The following RAD51AP1 variants were observed in gnomAD, a reference collection of about 807,000 sequenced individuals.
RAD51AP1 encodes RAD51-associated protein 1.
In RAD51AP1, 14 loss-of-function variants were observed where a neutral mutation model predicts 34.3. The observed-to-expected ratio is 0.41, with a 90% CI of 0.27 to 0.64. The LOEUF (loss-of-function observed/expected upper bound fraction) is 0.64. Ranked by LOEUF, RAD51AP1 falls within the 30% of genes least tolerant of loss-of-function variation. The probability of loss-of-function intolerance (pLI) is 0.33; values close to 1 mark genes in which losing one functional copy is unlikely to be tolerated. For synonymous variants in RAD51AP1, 114 were observed against 129.8 expected (o/e 0.88, Z 0.83); for missense variants, 348 against 386.9 (o/e 0.90, Z 0.84).
chr12:4,545,144 G>T (rs928981721), intron 3 of RAD51AP1: 8 of 418,466 alleles, frequency 1.9e-5, no homozygotes, highest in Non-Finnish European at 3.3e-5. Context: ...AAAAAAAATG[G>T]AGGCAATCTA....
intron 4 of RAD51AP1, 66 bp downstream of exon 4, chr12:4,546,484 G>A: frequency 8.3e-7 from 1 of 1,201,720 alleles, no homozygotes; most frequent in Non-Finnish European, 1.2e-6. Flanking sequence ...ATTTGTTTGG[G>A]TGGGCCTTCA....
At chr12:4,549,842 A>G (rs1944533658) in intron 6 of RAD51AP1, among the ~76,000 whole-genome samples, 1 of 152,224 alleles carries the variant, frequency 6.6e-6, no homozygotes, top group South Asian at 2.1e-4. Context: ...TATATGATCT[A>G]GCAATCCACT....
At chr12:4,544,123 A>G (rs1391835529) in intron 3 of RAD51AP1, among the ~76,000 whole-genome samples, 1 of 152,104 alleles carries the variant, frequency 6.6e-6, no homozygotes, top group Non-Finnish European at 1.5e-5. Context: ...TAAGACAATA[A>G]TGATTGTAGA....
In RAD51AP1 at chr12:4,558,846, T is replaced by TGA. The variant is rs1209226892; in HGVS notation, c.872-11_872-10insGA. ...GACATCATCAGCATCACATCATATG[T>TGA]TTCCTTTCAGCGGCATCTGGAGGTA... On this transcript the variant is annotated splice_polypyrimidine_tract_variant and intron_variant, in intron 8 of 8. Transcript: ENST00000352618. 6.2e-7 allele frequency: 1 copy of TGA among 1,608,542 alleles called. No individual in the cohort carries two copies. Among genetic ancestry groups the TGA allele is most frequent in the South Asian group, 1.1e-5 (1 of 90,928 alleles).
intron 7 of RAD51AP1, chr12:4,553,384 T>C: frequency 4.1e-6 from 1 of 241,476 alleles, no homozygotes; most frequent in East Asian, 8.3e-5. Flanking sequence ...GGCTGCCGTC[T>C]GTGGTTAGCT....
At chr12:4,556,260 T>C (rs1446096697) in intron 7 of RAD51AP1, 93 bp from the exon 8 acceptor site, 2 of 947,218 alleles carry the variant, frequency 2.1e-6, no homozygotes, top group African/African-American at 3.4e-5. Context: ...ATTTTTTATA[T>C]GATTATGTAA....
In RAD51AP1 at chr12:4,559,099, C is replaced by T; in HGVS notation, c.*106C>T. ...GGCAGGTATTGTAATATAAAGGAAT[C>T]CATTACCATGTCCTATAAATGACCT... is the stretch of plus-strand genomic sequence containing the variant. On this transcript the variant is annotated 3_prime_UTR_variant, in exon 9 of 9. Transcript: ENST00000352618. The T allele has an allele frequency of 7.3e-7, 1 of 1,367,952 alleles. No homozygotes were observed. The highest frequency in any genetic ancestry group is 1.0e-6 in the Non-Finnish European group (1 of 1,000,872). 84.7% of individuals were successfully genotyped at this position (1,367,952 alleles called of 1,614,324 possible). A position where few individuals can be genotyped will look rare whatever the true frequency, so the allele number is the denominator to read the frequency against.
intron 8 of RAD51AP1, 121 bp downstream of exon 8, chr12:4,556,623 A>G (rs1944585234): frequency 8.8e-7 from 1 of 1,132,652 alleles, no homozygotes; most frequent in South Asian, 1.6e-5. Context: ...TTCAAAACCA[A>G]AGTTCCTGGT....
intron 2 of RAD51AP1, among the ~76,000 whole-genome samples, chr12:4,543,065 T>G (rs1223953706): frequency 6.6e-6 from 1 of 152,106 alleles, no homozygotes; most frequent in East Asian, 1.9e-4. Context: ...TGGGCTTTTT[T>G]TTCTCTTTTT....
At chr12:4,556,572 A>C (rs1265984995) in intron 8 of RAD51AP1, 70 bp downstream of exon 8, 6 of 1,544,870 alleles carry the variant, frequency 3.9e-6, no homozygotes, top group Non-Finnish European at 5.3e-6. Flanking sequence ...TCCTAGTTAC[A>C]AACATCATGT....
At chr12:4,545,867 A>G (rs754187680) in intron 3 of RAD51AP1, 1 of 1,593,844 alleles carries the variant, frequency 6.3e-7, no homozygotes, top group Non-Finnish European at 8.6e-7. Context: ...TAAAGTCTGG[A>G]TTGGGAGGAA....
At chr12:4,547,685 A>G (rs1339077639) in intron 4 of RAD51AP1, among the ~76,000 whole-genome samples, 2 of 152,206 alleles carry the variant, frequency 1.3e-5, no homozygotes, top group Admixed American at 6.5e-5. Context: ...TAGTAAAAGC[A>G]TGGATTTGCC....
intron 1 of RAD51AP1, among the ~76,000 whole-genome samples, chr12:4,541,101 A>G (rs1406444487): frequency 6.6e-6 from 1 of 152,202 alleles, no homozygotes; most frequent in Non-Finnish European, 1.5e-5. Context: ...CAAGTTGAGC[A>G]TCCCAAATTT....
rs763047747 is a variant in RAD51AP1 at position 4,546,432 on chromosome 12, C to A, written c.319+14C>A. On this transcript the variant is annotated intron_variant, in intron 4 of 8. Coordinates refer to ENST00000352618, the MANE Select transcript of RAD51AP1 (RefSeq NM_006479.5). ...CTCAAGATAAAAGTAACTTTATTTT[C>A]TGTATATTTAGCTTTAAAACCTTCT... The A allele has an allele frequency of 6.4e-7, 1 of 1,558,226 alleles. No homozygotes were observed.
intron 8 of RAD51AP1, 61 bp from the exon 9 acceptor site, chr12:4,558,796 A>G: frequency 6.3e-7 from 1 of 1,578,872 alleles, no homozygotes; most frequent in Non-Finnish European, 8.6e-7. Flanking sequence ...TTATTTTATA[A>G]ATTAATCTTT....
At chr12:4,544,010 G>T (rs953151222) in intron 3 of RAD51AP1, 106 bp downstream of exon 3, 1 of 946,120 alleles carries the variant, frequency 1.1e-6, no homozygotes, top group African/African-American at 1.7e-5. Context: ...AGAGTCATAG[G>T]TCTTATTTTA....
At position 4,546,358 on chromosome 12, in the gene RAD51AP1, G is replaced by C. The variant is rs1461269361; in HGVS notation, c.259G>C (p.Ala87Pro). 2.5e-6 allele frequency: 4 copies of C among 1,613,176 alleles called. No individual in the cohort carries two copies. The highest frequency in any genetic ancestry group is 1.1e-5 in the South Asian group (1 of 91,010). ...LYQRDLEVAL[A>P]LSVKELPTVT... is the part of the protein sequence containing the mutation. ...CCAGAGAGACTTAGAAGTTGCACTA[G>C]CTTTATCAGTGAAGGAACTTCCAAC... The change falls in exon 4 of 9, where the codon GCT becomes CCT. Residue 87 changes from alanine to proline, a missense_variant. Ala to Pro is a conservative substitution (Grantham distance 27). Coordinates refer to ENST00000352618, the MANE Select transcript of RAD51AP1 (RefSeq NM_006479.5).
intron 8 of RAD51AP1, among the ~76,000 whole-genome samples, chr12:4,558,019 T>A (rs186914795): frequency 2.7e-4 from 41 of 152,160 alleles, no homozygotes; most frequent in African/African-American, 9.4e-4. Flanking sequence ...CAAAACAATA[T>A]ATCTGAGAGC....
chr12:4,545,102 A>T (rs1429329727), intron 3 of RAD51AP1: 1 of 353,430 alleles, frequency 2.8e-6, no homozygotes, highest in Non-Finnish European at 5.6e-6. Context: ...CCCATACATG[A>T]ATGTTCACAG....
Sources: allele counts gnomAD v4.1 joint callset (sites outside exome capture counted in the v4.1 genomes callset), GRCh38; gene constraint gnomAD v4.1.1; transcripts MANE v1.5; gene names NCBI Gene and HGNC (gene_info 2026-07-23, HGNC 2026-07-21).